The following VWA3A variants were observed in gnomAD, a reference collection of about 807,000 sequenced individuals.
VWA3A encodes the protein von Willebrand factor A domain-containing protein 3A.
In VWA3A, 134 loss-of-function variants were observed where a neutral mutation model predicts 160.4. The ratio of observed to expected loss-of-function variants is 0.84; its 90% CI spans 0.73 to 0.96. VWA3A has a LOEUF of 0.96. Ranked by LOEUF, VWA3A falls within the 40% of genes least tolerant of loss-of-function variation. The pLI is 0.00. For missense variants in VWA3A, 1,310 were observed against 1,447.9 expected (o/e 0.90, Z 1.55); for synonymous variants, 476 against 543.4 (o/e 0.88, Z 1.72).
chr16:22,146,328 G>GC lies in VWA3A; in HGVS notation c.2824dup (p.Gln942ProfsTer53). 6.2e-7 allele frequency: 1 copy of GC among 1,613,112 alleles called. No individual in the cohort carries two copies. Among genetic ancestry groups the GC allele is most frequent in the Non-Finnish European group, 8.5e-7 (1 of 1,179,398 alleles). Reference sequence around the variant, plus strand: ...TGTTAAGGCGCTATGTCCAGAGGCTGCAGTGGCTGCTGTCCGGTGAGCCTG... The same window carrying GC: ...TGTTAAGGCGCTATGTCCAGAGGCTGCCAGTGGCTGCTGTCCGGTGAGCCTG... On this transcript the variant is annotated frameshift_variant, in exon 27 of 34. Coordinates refer to ENST00000389398, the MANE Select transcript of VWA3A (RefSeq NM_173615.5). LOFTEE classifies it high-confidence loss of function.
chr16:22,142,814 T>A (rs1433716559), intron 25 of VWA3A, 49 bp downstream of exon 25: 1 of 1,372,232 alleles, frequency 7.3e-7, no homozygotes, highest in Admixed American at 2.0e-5. Context: ...ATAGAGTAGT[T>A]CTGTCCACCA....
chr16:22,123,749 T>G (rs772381225), intron 16 of VWA3A, 42 bp downstream of exon 16: 1 of 1,547,130 alleles, frequency 6.5e-7, no homozygotes, highest in East Asian at 2.3e-5. Flanking sequence ...ATGGGTCTGG[T>G]GTGTGACGTG....
rs576192242 is a variant in VWA3A at position 22,128,342 on chromosome 16, C to T, written c.1652+2045C>T. ...CCAGTTTGACTATTGCAATTGCCTG[C>T]CCTAGTGTTGAGTGGGCTTGAGCCA... On this transcript the variant is annotated intron_variant, in intron 17 of 33. Coordinates refer to ENST00000389398, the MANE Select transcript of VWA3A (RefSeq NM_173615.5). Among the ~76,000 whole-genome samples the T allele has an allele frequency of 9.2e-5, 14 of 152,220 alleles. No homozygotes were observed. In the South Asian group the frequency reaches 2.1e-3, roughly 23 times the overall value.
chr16:22,155,713 T>G (rs762799375), intron 32 of VWA3A, 49 bp downstream of exon 32: 1 of 1,605,888 alleles, frequency 6.2e-7, no homozygotes, highest in South Asian at 1.1e-5. Flanking sequence ...CTACAGCCCA[T>G]GCAGACCCCG....
chr16:22,136,357 C>A (rs762298412), intron 21 of VWA3A, among the ~76,000 whole-genome samples: 4 of 152,016 alleles, frequency 2.6e-5, no homozygotes, highest in Non-Finnish European at 4.4e-5. Flanking sequence ...CATGGAAGGA[C>A]GGAGAGGTGC....
intron 14 of VWA3A, 26 bp downstream of exon 14, chr16:22,121,643 A>G (rs2141913482): frequency 2.0e-6 from 3 of 1,533,846 alleles, no homozygotes; most frequent in Non-Finnish European, 2.7e-6. Context: ...AATTCTCTCC[A>G]GTCCTCCACA....
chr16:22,122,934 T>C, intron 14 of VWA3A, 151 bp from the exon 15 acceptor site: 1 of 644,026 alleles, frequency 1.6e-6, no homozygotes. Context: ...GGTGTGTGTG[T>C]GGTGGAGATG....
chr16:22,100,139 C>T (rs2045385199), intron 3 of VWA3A, 55 bp from the exon 4 acceptor site: 2 of 1,486,220 alleles, frequency 1.3e-6, no homozygotes, highest in Non-Finnish European at 1.8e-6. Context: ...TGAAGGGAAC[C>T]TCTTCCTTCC....
chr16:22,109,379 G>A (rs1337659562), intron 6 of VWA3A, 103 bp from the exon 7 acceptor site: 22 of 927,008 alleles, frequency 2.4e-5, no homozygotes, highest in Admixed American at 1.7e-4. Context: ...CTGCTTGTTA[G>A]GGGTGAGGAA....
chr16:22,120,820 A>G, intron 12 of VWA3A, 148 bp from the exon 13 acceptor site: 1 of 908,352 alleles, frequency 1.1e-6, no homozygotes, highest in South Asian at 1.8e-5. Flanking sequence ...AGGGGAGGGG[A>G]TGATGGAAGG....
At chr16:22,112,071 A>G (rs1273313959) in intron 8 of VWA3A, among the ~76,000 whole-genome samples, 1 of 152,186 alleles carries the variant, frequency 6.6e-6, no homozygotes, top group Non-Finnish European at 1.5e-5. Context: ...CTGTCAGTGC[A>G]TACAAATCTA....
rs139055951 is a variant in VWA3A, at chr16:22,152,551, G to A, written c.3322G>A (p.Gly1108Ser). The A allele has an allele frequency of 3.3e-5, 54 of 1,612,508 alleles. No individual in the cohort carries two copies. The highest frequency in any genetic ancestry group is 1.1e-4 in the East Asian group (5 of 44,850). ...EFLRKLASFTGGRYHCPVGED... is the reference protein window; with the variant it reads ...EFLRKLASFTSGRYHCPVGED... Reference sequence around the variant, plus strand: ...CCTGAGAAAGCTGGCTTCCTTCACCGGCGGACGCTATCACTGCCCTGTGGG... The same window carrying A: ...CCTGAGAAAGCTGGCTTCCTTCACCAGCGGACGCTATCACTGCCCTGTGGG... The change falls in exon 31 of 34, where the codon GGC becomes AGC. Residue 1108 changes from glycine (G) to serine (S), a missense_variant. Gly to Ser is a moderately conservative substitution (Grantham distance 56, BLOSUM62 0). Coordinates refer to ENST00000389398, the MANE Select transcript of VWA3A (RefSeq NM_173615.5).
chr16:22,100,437 GC>G lies in VWA3A; in HGVS notation c.373del (p.Gln125ArgfsTer51), dbSNP rs2141837134. The G allele has an allele frequency of 6.4e-7, 1 of 1,551,602 alleles. No individual in the cohort carries two copies. Among genetic ancestry groups the G allele is most frequent in the East Asian group, 2.4e-5 (1 of 40,918 alleles). ...EVLEEGTNVV[Q>X]KICFSTQIIR... ...TCAGGGAGGAGGGCACCAATGTCGT[GC>G]AGAAAATATGTTTCTCCACCCAGAT... On this transcript the variant is annotated frameshift_variant, in exon 5 of 34. Transcript: ENST00000389398. LOFTEE classifies it high-confidence loss of function.
chr16:22,107,272 G>C (rs1216616855), intron 6 of VWA3A, among the ~76,000 whole-genome samples: 1 of 152,204 alleles, frequency 6.6e-6, no homozygotes, highest in African/African-American at 2.4e-5. Context: ...ATTGCTGAAG[G>C]AGAGGGGTTG....
Position 22,156,769 on chromosome 16 carries a change from C to A in VWA3A, c.*752C>A, listed in dbSNP as rs2046448283. 6.6e-6 allele frequency: 1 copy of A among 152,132 alleles called. No homozygotes were observed. The highest frequency in any genetic ancestry group is 2.4e-5 in the African/African-American group (1 of 41,418). The allele number at this position is 152,132 out of a possible 1,614,324, so 9.4% of individuals were successfully genotyped here. A position where few individuals can be genotyped will look rare whatever the true frequency, so the allele number is the denominator to read the frequency against. On this transcript the variant is annotated 3_prime_UTR_variant, in exon 34 of 34. Transcript: ENST00000389398. ...AGCACCACCCTCCATCCCTGCCCAA[C>A]CAAACTGAAGTGAAGGCTGCTCATC...
chr16:22,147,252 A>G (rs952885562), intron 27 of VWA3A, among the ~76,000 whole-genome samples: 2 of 152,052 alleles, frequency 1.3e-5, no homozygotes, highest in Admixed American at 6.6e-5. Flanking sequence ...CCGAACTCCT[A>G]GGCTCAAGCT....
chr16:22,096,185 C>T (rs2045318548), intron 1 of VWA3A, among the ~76,000 whole-genome samples: 1 of 152,126 alleles, frequency 6.6e-6, no homozygotes, highest in Non-Finnish European at 1.5e-5. Context: ...ATGATCCGGT[C>T]CAAGAGTCAA....
At chr16:22,133,463 C>T (rs1387410953) in intron 20 of VWA3A, among the ~76,000 whole-genome samples, 1 of 151,782 alleles carries the variant, frequency 6.6e-6, no homozygotes, top group African/African-American at 2.4e-5. Flanking sequence ...AACAGCCTGG[C>T]CAACATGGTG....
chr16:22,126,091 G>GA (rs1193037587), intron 16 of VWA3A, 87 bp from the exon 17 acceptor site: 6 of 1,569,170 alleles, frequency 3.8e-6, no homozygotes, highest in Non-Finnish European at 5.2e-6. Flanking sequence ...AATTCCCCTG[G>GA]AAAAAAACTT....
Sources: gnomAD v4.1 joint callset for allele counts (sites outside exome capture counted in the v4.1 genomes callset) on GRCh38, gnomAD v4.1.1 for gene constraint, MANE v1.5 for transcripts, NCBI Gene and HGNC (gene_info 2026-07-23, HGNC 2026-07-21) for gene names.